SLC41A3: variants seen among roughly 807,000 people sequenced by gnomAD.
The protein encoded by SLC41A3 is solute carrier family 41 member 3.
SLC41A3 carries 44 observed loss-of-function variants against 45.4 expected under a neutral mutation model. That is an observed-to-expected ratio of 0.97 (90% CI 0.76 to 1.25). The LOEUF is 1.25. SLC41A3 is among the 50% of genes most tolerant of loss of function. The pLI is 0.00. For synonymous variants in SLC41A3, 256 were observed against 252.4 expected, an observed-to-expected ratio of 1.01 and a Z score of -0.13; for missense variants, 550 against 600.6, an observed-to-expected ratio of 0.92 and a Z score of 0.88.
chr3:126,045,390 T>A, intron 3 of SLC41A3, among the ~76,000 whole-genome samples: 2 of 147,798 alleles, frequency 1.4e-5, no homozygotes. Context: ...AGCCTTTAGC[T>A]AAATTGACTA....
At chr3:126,092,310 C>G (rs760680817) in intron 1 of SLC41A3, among the ~76,000 whole-genome samples, 2 of 152,280 alleles carry the variant, frequency 1.3e-5, no homozygotes, top group African/African-American at 2.4e-5. Flanking sequence ...CATGAGCAAT[C>G]TGTGCCTTAA....
intron 3 of SLC41A3, among the ~76,000 whole-genome samples, chr3:126,035,908 GA>G (rs958298629): frequency 3.9e-5 from 6 of 152,132 alleles, no homozygotes; most frequent in Admixed American, 2.6e-4. Context: ...AGGTCCTAGA[GA>G]TATCAGGGGA....
intron 1 of SLC41A3, chr3:126,070,457 C>T (rs1944563970): frequency 6.6e-6 from 1 of 152,200 alleles, no homozygotes; most frequent in Admixed American, 6.5e-5. Context: ...CAGTGCCTCC[C>T]CTCCGCCCCA....
intron 2 of SLC41A3, chr3:126,056,771 G>T (rs369167386): frequency 1.7e-5 from 23 of 1,385,962 alleles, no homozygotes; most frequent in Non-Finnish European, 2.1e-5. Flanking sequence ...TGTGACTCAC[G>T]GCCTCATTAC....
chr3:126,038,311 T>G (rs1186029496), intron 3 of SLC41A3, among the ~76,000 whole-genome samples: 1 of 152,162 alleles, frequency 6.6e-6, no homozygotes, highest in East Asian at 1.9e-4. Flanking sequence ...CCTAGAATAG[T>G]AGAGCCACCA....
chr3:126,060,740 C>T (rs1944019943), intron 2 of SLC41A3, among the ~76,000 whole-genome samples: 1 of 152,232 alleles, frequency 6.6e-6, no homozygotes, highest in African/African-American at 2.4e-5. Context: ...CTCAGTAGCA[C>T]AGCAGAAGAA....
At chr3:126,077,878 G>A (rs1944952641) in intron 1 of SLC41A3, among the ~76,000 whole-genome samples, 1 of 152,224 alleles carries the variant, frequency 6.6e-6, no homozygotes. Context: ...CTGGGCGACT[G>A]TGATGTGCAG....
chr3:126,036,360 G>T (rs1199678885), intron 3 of SLC41A3, among the ~76,000 whole-genome samples: 2 of 152,118 alleles, frequency 1.3e-5, no homozygotes, highest in African/African-American at 4.8e-5. Flanking sequence ...TGGCCAATGG[G>T]GAGCCATTGG....
At chr3:126,036,320 C>A (rs986046100) in intron 3 of SLC41A3, among the ~76,000 whole-genome samples, 2 of 152,214 alleles carry the variant, frequency 1.3e-5, no homozygotes, top group Non-Finnish European at 2.9e-5. Context: ...CTCAACACAC[C>A]CCCCTTGCCC....
In SLC41A3 at chr3:126,022,811, A is replaced by T; in HGVS notation, c.720T>A (p.Val240=). 4 of 1,614,230 alleles carry T rather than the reference A, an allele frequency of 2.5e-6. No individual in the cohort carries two copies. The highest frequency in any genetic ancestry group is 3.4e-6 in the Non-Finnish European group (4 of 1,180,036). ...DLITLSILAL[V]SSFFYRHKDS... is the part of the protein sequence containing the mutation. ...CTTTGTGTCTGTAGAAGAAGCTGCT[A>T]ACCAAAGCCAGAATGGACAGTGTGA... The change falls in exon 6 of 11, where the codon GTT becomes GTA. Residue 240 remains valine, a synonymous_variant. Coordinates refer to ENST00000360370, the MANE Select transcript of SLC41A3 (RefSeq NM_017836.4).
chr3:126,089,517 C>T (rs1945451368), intron 1 of SLC41A3, among the ~76,000 whole-genome samples: 1 of 152,166 alleles, frequency 6.6e-6, no homozygotes, highest in Admixed American at 6.5e-5. Flanking sequence ...TGTAAATCTG[C>T]TCTTTTGAGA....
In SLC41A3 at chr3:126,012,678, C is replaced by T; in HGVS notation, c.1042G>A (p.Gly348Ser). ...STYLHMWSAP[G>S]VLPLQMKKFW... ...TTCTTCATCTGGAGGGGCAGGACGC[C>T]AGGTGCACTCCACATGTGCAGGTAG... Residue 348 changes from glycine to serine, a missense_variant, in exon 9 of 11, where the codon GGC becomes AGC. Transcript: ENST00000360370. 1 of 1,614,198 alleles carries T rather than the reference C, an allele frequency of 6.2e-7. No individual in the cohort carries two copies.
intron 9 of SLC41A3, among the ~76,000 whole-genome samples, chr3:126,009,960 C>T (rs868668802): frequency 7.2e-5 from 11 of 152,342 alleles, no homozygotes; most frequent in Admixed American, 2.0e-4. Context: ...AGACACACTT[C>T]GTCCTATTTC....
At position 126,038,455 on chromosome 3, in the gene SLC41A3, A is replaced by C. The variant is rs1484898564; in HGVS notation, c.382-4777T>G. On this transcript the variant is annotated intron_variant, in intron 3 of 10. Coordinates refer to ENST00000360370, the MANE Select transcript of SLC41A3 (RefSeq NM_017836.4). ...GCCTTGGGAGCCCACCTCTCACACCAGTGTGCCCTGAACGCAGGACATGGA... is the reference window on the plus strand; with the variant it reads ...GCCTTGGGAGCCCACCTCTCACACCCGTGTGCCCTGAACGCAGGACATGGA... 2.0e-5 allele frequency among the ~76,000 whole-genome samples: 3 copies of C among 152,248 alleles called. No homozygotes were observed. In the East Asian group the frequency reaches 5.8e-4, roughly 29 times the overall value.
At chr3:126,019,378 A>C (rs563792047) in intron 6 of SLC41A3, among the ~76,000 whole-genome samples, 17 of 152,308 alleles carry the variant, frequency 1.1e-4, no homozygotes, top group Non-Finnish European at 1.9e-4. Flanking sequence ...GGATCAACAC[A>C]TGAAATTTAG....
chr3:126,053,127 C>T (rs1361350250), intron 2 of SLC41A3, among the ~76,000 whole-genome samples: 1 of 152,206 alleles, frequency 6.6e-6, no homozygotes, highest in African/African-American at 2.4e-5. Flanking sequence ...CCCCAAAACT[C>T]GTATGGTGAA....
upstream of SLC41A3, among the ~76,000 whole-genome samples, chr3:126,086,823 C>T (rs182970699): frequency 6.6e-5 from 10 of 152,174 alleles, no homozygotes; most frequent in East Asian, 1.9e-4. Context: ...ATGCCTAATA[C>T]GCTATGCATT....
chr3:126,100,523 T>C (rs1259939320), intron 1 of SLC41A3, among the ~76,000 whole-genome samples: 2 of 152,218 alleles, frequency 1.3e-5, no homozygotes, highest in Non-Finnish European at 2.9e-5. Context: ...GGAGGTTTAA[T>C]GTGCATTCAG....
intron 6 of SLC41A3, among the ~76,000 whole-genome samples, chr3:126,021,231 T>C (rs1940855824): frequency 1.5e-5 from 1 of 66,158 alleles, no homozygotes; most frequent in African/African-American, 6.4e-5. Flanking sequence ...TTTCCTGGGC[T>C]TTCTGTGTCC....
Sources: gnomAD v4.1 joint callset for allele counts (sites outside exome capture counted in the v4.1 genomes callset) on GRCh38, gnomAD v4.1.1 for gene constraint, MANE v1.5 for transcripts, NCBI Gene and HGNC (gene_info 2026-07-23, HGNC 2026-07-21) for gene names.